Variants in COMMD1 observed in about 807,000 individuals in gnomAD.
COMMD1 encodes the protein COMM domain-containing protein 1.
A neutral mutation model predicts 17.2 loss-of-function variants in COMMD1; 10 were observed. The ratio of observed to expected loss-of-function variants is 0.58; its 90% confidence interval spans 0.36 to 0.99. The LOEUF (loss-of-function observed/expected upper bound fraction) is 0.99, where lower values mean the gene tolerates loss of function less well. Among genes scored for constraint, COMMD1 ranks in the 50% least tolerant of loss-of-function variants. The pLI, the probability that COMMD1 is intolerant of heterozygous loss-of-function variation, is 0.01. For missense variants in COMMD1, 270 were observed against 231.8 expected, an observed-to-expected ratio of 1.17 and a Z score of -1.07; for synonymous variants, 97 against 91.6, an observed-to-expected ratio of 1.06 and a Z score of -0.34.
chr2:62,039,422 T>C lies in COMMD1; in HGVS notation c.462+38440T>C, dbSNP rs1012151076. ...GATGGAATATCACTATGGCCTTTCTTTGAGGAGTTGATTAGCAAACTTGAC... is the reference window on the plus strand; with the variant it reads ...GATGGAATATCACTATGGCCTTTCTCTGAGGAGTTGATTAGCAAACTTGAC... On this transcript the variant is annotated intron_variant, in intron 2 of 2. Coordinates refer to ENST00000311832, the MANE Select transcript of COMMD1 (RefSeq NM_152516.4). Among the ~76,000 whole-genome samples the C allele has an allele frequency of 1.1e-4, 16 of 152,312 alleles. No homozygotes were observed. In the South Asian group the frequency reaches 1.2e-3, roughly 12 times the overall value.
chr2:61,896,538 C>T (rs185437413), intron 1 of COMMD1, among the ~76,000 whole-genome samples: 6 of 152,228 alleles, frequency 3.9e-5, no homozygotes, highest in African/African-American at 1.4e-4. Context: ...GATAGGATCA[C>T]ACCACTGCAC....
rs149136921 is a variant in COMMD1 at position 62,005,487 on chromosome 2, A to C, written c.462+4505A>C. Among the ~76,000 whole-genome samples the C allele has an allele frequency of 8.1e-3, 1,241 of 152,356 alleles. 5 individuals are homozygous for C. Among genetic ancestry groups the C allele is most frequent in the South Asian group, 0.019 (93 of 4,826 alleles). The stretch of plus-strand genomic sequence containing the variant: ...AATATCCAGAATCTACAATGAACTC[A>C]AACAAATTTACAAGAAAAAAACAAC... On this transcript the variant is annotated intron_variant, in intron 2 of 2. Transcript: ENST00000311832.
chr2:61,921,804 C>T (rs1670203815), intron 1 of COMMD1, among the ~76,000 whole-genome samples: 1 of 152,160 alleles, frequency 6.6e-6, no homozygotes, highest in African/African-American at 2.4e-5. Context: ...TCTTTAACTG[C>T]CTGTTTGCAT....
intron 2 of COMMD1, among the ~76,000 whole-genome samples, chr2:62,111,145 C>G (rs913881951): frequency 6.6e-6 from 1 of 152,162 alleles, no homozygotes; most frequent in African/African-American, 2.4e-5. Flanking sequence ...ATTTCACTTA[C>G]AAGTTTCTCA....
upstream of COMMD1, among the ~76,000 whole-genome samples, chr2:61,901,247 A>G (rs536746836): frequency 6.6e-6 from 1 of 151,988 alleles, no homozygotes; most frequent in South Asian, 2.1e-4. Context: ...GCGCACGACC[A>G]AAACACATTT....
At chr2:62,110,763 A>T (rs1672435049) in intron 2 of COMMD1, among the ~76,000 whole-genome samples, 1 of 152,310 alleles carries the variant, frequency 6.6e-6, no homozygotes, top group East Asian at 1.9e-4. Flanking sequence ...CTCCTCCACC[A>T]TTCACAAGTT....
Position 62,020,950 on chromosome 2 carries a change from C to T in COMMD1, c.462+19968C>T, listed in dbSNP as rs1669596285. Among the ~76,000 whole-genome samples the T allele has an allele frequency of 2.0e-5, 3 of 151,986 alleles. No individual in the cohort carries two copies. The South Asian group carries it at 6.2e-4, about 32-fold the overall frequency. On this transcript the variant is annotated intron_variant, in intron 2 of 2. Transcript: ENST00000311832. ...CCTGGGAGGCAGAGGTTGCGGTGAG[C>T]CGAGATTGCGCCATTGCACTCCAGC...
intron 2 of COMMD1, among the ~76,000 whole-genome samples, chr2:62,135,147 T>TATGG (rs1175287226): frequency 1.9e-4 from 29 of 152,204 alleles, no homozygotes; most frequent in Non-Finnish European, 3.5e-4. Flanking sequence ...TCTGCCTTTA[T>TATGG]ATGGTATTTA....
chr2:62,084,225 A>G (rs1217402443), intron 2 of COMMD1, among the ~76,000 whole-genome samples: 2 of 152,198 alleles, frequency 1.3e-5, no homozygotes, highest in Admixed American at 6.5e-5. Flanking sequence ...CACGCCCAGC[A>G]TAGTCAAAAA....
chr2:61,999,211 G>T (rs1223120563), intron 1 of COMMD1, among the ~76,000 whole-genome samples: 2 of 152,220 alleles, frequency 1.3e-5, no homozygotes, highest in African/African-American at 2.4e-5. Flanking sequence ...TATGCCTGTA[G>T]ATGTGAAAAT....
chr2:61,920,986 T>A (rs1397734944), intron 1 of COMMD1, among the ~76,000 whole-genome samples: 36 of 137,974 alleles, frequency 2.6e-4, no homozygotes, highest in African/African-American at 9.1e-4. Context: ...TATATATTTT[T>A]TTTTTTTTTG....
chr2:62,122,843 G>C (rs967147702), intron 2 of COMMD1, among the ~76,000 whole-genome samples: 3 of 152,192 alleles, frequency 2.0e-5, no homozygotes, highest in African/African-American at 7.2e-5. Flanking sequence ...TTCTTGGAAA[G>C]TTAAACAACT....
rs1451263361 is a variant in COMMD1 at position 62,118,627 on chromosome 2, A to G, written c.463-17204A>G. ...TAGCATGGCAGGCAAGACACTTAAT[A>G]GGATCTAGTTGTGGGGTAGGAGAGA... On this transcript the variant is annotated intron_variant, in intron 2 of 2. Coordinates refer to ENST00000311832, the MANE Select transcript of COMMD1 (RefSeq NM_152516.4). 3.3e-5 allele frequency among the ~76,000 whole-genome samples: 5 copies of G among 152,218 alleles called. No homozygotes were observed. In the East Asian group the frequency reaches 7.7e-4, roughly 23 times the overall value.
chr2:62,059,943 T>G (rs1287965548), intron 2 of COMMD1, among the ~76,000 whole-genome samples: 2 of 151,834 alleles, frequency 1.3e-5, no homozygotes, highest in Non-Finnish European at 2.9e-5. Context: ...TAATGAATTT[T>G]GGGGGGGGAA....
intron 2 of COMMD1, among the ~76,000 whole-genome samples, chr2:62,051,323 C>G (rs2103918283): frequency 1.3e-5 from 2 of 152,202 alleles, no homozygotes; most frequent in South Asian, 2.1e-4. Context: ...GTTCAGTAAA[C>G]CATACATAGT....
At chr2:62,032,437 C>T (rs1033675850) in intron 2 of COMMD1, among the ~76,000 whole-genome samples, 5 of 152,084 alleles carry the variant, frequency 3.3e-5, no homozygotes, top group African/African-American at 9.7e-5. Flanking sequence ...AGAGGAGGCT[C>T]GGGTGGGAGG....
At chr2:61,966,084 T>C (rs1425255469) in intron 1 of COMMD1, among the ~76,000 whole-genome samples, 1 of 152,230 alleles carries the variant, frequency 6.6e-6, no homozygotes, top group Non-Finnish European at 1.5e-5. Flanking sequence ...TTGTGAATGT[T>C]CAATCTTCAG....
intron 1 of COMMD1, among the ~76,000 whole-genome samples, chr2:61,921,035 A>T (rs2105193297): frequency 2.0e-5 from 3 of 149,298 alleles, no homozygotes. Flanking sequence ...TGGAGTACAG[A>T]GGTGGGATCT....
At chr2:62,119,511 C>G (rs1672690561) in intron 2 of COMMD1, among the ~76,000 whole-genome samples, 1 of 152,216 alleles carries the variant, frequency 6.6e-6, no homozygotes, top group Admixed American at 6.5e-5. Flanking sequence ...TTCCCCAAAT[C>G]AGCATTTTCT....
Sources: gnomAD v4.1 joint callset for allele counts (sites outside exome capture counted in the v4.1 genomes callset) on GRCh38, gnomAD v4.1.1 for gene constraint, MANE v1.5 for transcripts, NCBI Gene and HGNC (gene_info 2026-07-23, HGNC 2026-07-21) for gene names.